CADM2: variants seen among roughly 807,000 people sequenced by gnomAD.
The protein encoded by CADM2 is cell adhesion molecule 2.
In CADM2, 12 loss-of-function variants were observed where a neutral mutation model predicts 49.8. The ratio of observed to expected loss-of-function variants is 0.24; its 90% CI spans 0.15 to 0.39. The LOEUF is 0.39. Ranked by LOEUF, CADM2 falls within the 10% of genes least tolerant of loss-of-function variation. CADM2 has a pLI of 1.00. For missense variants in CADM2, 378 were observed against 492.3 expected (o/e 0.77, Z 2.20); for synonymous variants, 214 against 175.4 (o/e 1.22, Z -1.74).
At chr3:85,134,240 C>A (rs192654782) in intron 1 of CADM2, among the ~76,000 whole-genome samples, 4 of 152,224 alleles carry the variant, frequency 2.6e-5, no homozygotes, top group African/African-American at 9.6e-5. Flanking sequence ...GCTCGCGCGT[C>A]TCCCTCCACA....
At chr3:85,291,378 A>G (rs957455980) in intron 1 of CADM2, among the ~76,000 whole-genome samples, 3 of 151,362 alleles carry the variant, frequency 2.0e-5, no homozygotes, top group Non-Finnish European at 4.4e-5. Context: ...GATATTATCC[A>G]TGAGAACTTC....
At chr3:85,316,802 T>C (rs2044475175) in intron 1 of CADM2, among the ~76,000 whole-genome samples, 1 of 152,074 alleles carries the variant, frequency 6.6e-6, no homozygotes, top group African/African-American at 2.4e-5. Flanking sequence ...TGAGATAAAA[T>C]ATAGCAACTA....
At chr3:85,139,868 C>T (rs2039525458) in intron 1 of CADM2, among the ~76,000 whole-genome samples, 1 of 151,850 alleles carries the variant, frequency 6.6e-6, no homozygotes, top group African/African-American at 2.4e-5. Flanking sequence ...GATAAATTAC[C>T]TTATGAGAAG....
At chr3:85,481,485 T>C (rs2039208024) in intron 1 of CADM2, among the ~76,000 whole-genome samples, 2 of 151,730 alleles carry the variant, frequency 1.3e-5, no homozygotes, top group African/African-American at 4.8e-5. Flanking sequence ...ACTAACAGCA[T>C]GGCTATTACA....
intron 1 of CADM2, among the ~76,000 whole-genome samples, chr3:85,500,676 C>T (rs926685972): frequency 6.6e-5 from 10 of 151,990 alleles, no homozygotes; most frequent in African/African-American, 1.9e-4. Context: ...CGCTACTATG[C>T]CTGGCTGATT....
intron 1 of CADM2, among the ~76,000 whole-genome samples, chr3:85,697,107 T>C (rs574784507): frequency 6.7e-5 from 9 of 135,252 alleles, no homozygotes; most frequent in East Asian, 3.9e-4. Flanking sequence ...GCCATATATA[T>C]ATATGGCATA....
intron 1 of CADM2, among the ~76,000 whole-genome samples, chr3:85,089,545 T>A (rs2107520297): frequency 6.6e-6 from 1 of 152,292 alleles, no homozygotes; most frequent in East Asian, 1.9e-4. Flanking sequence ...TGATTTTCAA[T>A]AAACGTAATT....
chr3:85,117,557 A>G (rs747253899), intron 1 of CADM2, among the ~76,000 whole-genome samples: 6 of 152,164 alleles, frequency 3.9e-5, no homozygotes, highest in Non-Finnish European at 8.8e-5. Flanking sequence ...TGATTTTTTA[A>G]ATATATTTAT....
At position 85,602,091 on chromosome 3, in the gene CADM2, A is replaced by G. The variant is rs572465354; in HGVS notation, c.62-124431A>G. 7.9e-5 allele frequency among the ~76,000 whole-genome samples: 12 copies of G among 151,866 alleles called. No individual in the cohort carries two copies. In the South Asian group the frequency reaches 1.2e-3, roughly 16 times the overall value. On this transcript the variant is annotated intron_variant, in intron 1 of 9. Transcript: ENST00000383699. The stretch of plus-strand genomic sequence containing the variant: ...AAGCAATTATCATTAAAGACATTCA[A>G]TTTTTTACTTTTTCTTCAAATATAG...
chr3:84,997,826 A>G (rs1239539252), intron 1 of CADM2, among the ~76,000 whole-genome samples: 1 of 152,124 alleles, frequency 6.6e-6, no homozygotes, highest in Non-Finnish European at 1.5e-5. Flanking sequence ...ATAATAATCC[A>G]AGTATCCAAG....
intron 2 of CADM2, among the ~76,000 whole-genome samples, chr3:85,738,503 A>T (rs2107817190): frequency 6.6e-6 from 1 of 152,334 alleles, no homozygotes; most frequent in Admixed American, 6.5e-5. Flanking sequence ...CTCAAATGTT[A>T]TTTAACACAT....
At chr3:85,333,409 T>C (rs2044990134) in intron 1 of CADM2, among the ~76,000 whole-genome samples, 2 of 151,784 alleles carry the variant, frequency 1.3e-5, no homozygotes, top group South Asian at 4.1e-4. Context: ...AAGTTAAATT[T>C]TATGTCTATA....
At chr3:85,418,665 A>G (rs1248626780) in intron 1 of CADM2, among the ~76,000 whole-genome samples, 1 of 152,162 alleles carries the variant, frequency 6.6e-6, no homozygotes, top group Non-Finnish European at 1.5e-5. Flanking sequence ...TAAAATCTCC[A>G]AAAAGTTGAA....
At chr3:85,484,110 A>G (rs1472290799) in intron 1 of CADM2, among the ~76,000 whole-genome samples, 2 of 151,910 alleles carry the variant, frequency 1.3e-5, no homozygotes, top group African/African-American at 4.8e-5. Flanking sequence ...TATAAAGTAT[A>G]GCTTTTCCCT....
At chr3:85,206,311 C>CTT (rs546784330) in intron 1 of CADM2, among the ~76,000 whole-genome samples, 118 of 130,244 alleles carry the variant, frequency 9.1e-4, no homozygotes, top group African/African-American at 3.2e-3. Flanking sequence ...TTTTTCTTTT[C>CTT]TTTTTTTTTT....
At chr3:85,088,055 C>T (rs1044119285) in intron 1 of CADM2, among the ~76,000 whole-genome samples, 3 of 152,086 alleles carry the variant, frequency 2.0e-5, no homozygotes, top group Non-Finnish European at 4.4e-5. Flanking sequence ...AAAACAAAAG[C>T]CTGAGGACTG....
At chr3:85,673,053 A>G in intron 1 of CADM2, among the ~76,000 whole-genome samples, 1 of 152,158 alleles carries the variant, frequency 6.6e-6, no homozygotes, top group East Asian at 1.9e-4. Flanking sequence ...GCTGGGACTA[A>G]ACTAGTAGCC....
rs538511528 is a variant in CADM2 at position 85,594,428 on chromosome 3, T to C, written c.62-132094T>C. ...AAAAGCCATTGAAAATATAATTATATTTTTCATGTTTTGGGGTGGAAAGAG... is the reference window on the plus strand; with the variant it reads ...AAAAGCCATTGAAAATATAATTATACTTTTCATGTTTTGGGGTGGAAAGAG... On this transcript the variant is annotated intron_variant, in intron 1 of 9. Transcript: ENST00000383699. Among the ~76,000 whole-genome samples the C allele has an allele frequency of 9.9e-5, 15 of 152,066 alleles. No homozygotes were observed. The East Asian group carries it at 2.5e-3, about 26-fold the overall frequency.
chr3:85,668,295 C>CAAAA (rs11447925), intron 1 of CADM2, among the ~76,000 whole-genome samples: 20 of 81,770 alleles, frequency 2.4e-4, no homozygotes, highest in African/African-American at 4.1e-4. Flanking sequence ...AGTACCAAAG[C>CAAAA]AAAAAAAAAA....
Sources: allele counts gnomAD v4.1 joint callset (sites outside exome capture counted in the v4.1 genomes callset), GRCh38; gene constraint gnomAD v4.1.1; transcripts MANE v1.5; gene names NCBI Gene and HGNC (gene_info 2026-07-23, HGNC 2026-07-21).